Variants in GCKR observed in about 807,000 individuals in gnomAD.
The protein encoded by GCKR is glucokinase regulatory protein.
A neutral mutation model predicts 82.9 loss-of-function variants in GCKR; 73 were observed. That is an observed-to-expected ratio of 0.88 (90% confidence interval 0.73 to 1.07). The LOEUF (loss-of-function observed/expected upper bound fraction) is 1.07. Among genes scored for constraint, GCKR ranks in the 50% least tolerant of loss-of-function variants. The pLI is 0.00. For missense variants in GCKR, 784 were observed against 782.1 expected (o/e 1.00, Z -0.03); for synonymous variants, 294 against 291.8 (o/e 1.01, Z -0.08).
intron 16 of GCKR, chr2:27,509,437 T>C: frequency 3.1e-6 from 1 of 324,554 alleles, no homozygotes; most frequent in Non-Finnish European, 6.9e-6. Flanking sequence ...CCTCCCCTGC[T>C]CAACTGATCC....
At position 27,521,139 on chromosome 2, in the gene GCKR, G is replaced by A. The variant is rs181471628; in HGVS notation, c.1573-1321G>A. On this transcript the variant is annotated intron_variant, in intron 17 of 18. Transcript: ENST00000264717. ...CACTGGATTTCAAAATACAAAATCC[G>A]AATATAGAAAAATATTGCAAAATAT... is the stretch of plus-strand genomic sequence containing the variant. Among the ~76,000 whole-genome samples the A allele has an allele frequency of 1.3e-3, 204 of 152,134 alleles. 1 individual carries two copies. The highest frequency in any genetic ancestry group is 4.6e-3 in the African/African-American group (189 of 41,510).
At chr2:27,522,333 C>A in intron 17 of GCKR, 127 bp from the exon 18 acceptor site, 1 of 906,878 alleles carries the variant, frequency 1.1e-6, no homozygotes, top group Non-Finnish European at 1.8e-6. Context: ...GACAAATCAT[C>A]TACAGCCTCT....
chr2:27,497,837 C>T (rs975505622), intron 3 of GCKR, among the ~76,000 whole-genome samples: 2 of 152,188 alleles, frequency 1.3e-5, no homozygotes, highest in African/African-American at 4.8e-5. Flanking sequence ...TACTTTCACA[C>T]CTATTACCCT....
intron 5 of GCKR, 99 bp from the exon 6 acceptor site, chr2:27,499,043 G>A: frequency 2.5e-6 from 2 of 799,850 alleles, no homozygotes; most frequent in Non-Finnish European, 4.5e-6. Flanking sequence ...TTCAATGATA[G>A]TTTTCCCTTT....
chr2:27,514,444 C>T (rs2148589916), intron 16 of GCKR, among the ~76,000 whole-genome samples: 1 of 152,184 alleles, frequency 6.6e-6, no homozygotes, highest in South Asian at 2.1e-4. Context: ...GCTTATCCTC[C>T]TATGTTTCTT....
At chr2:27,517,932 C>T (rs557919048) in intron 16 of GCKR, among the ~76,000 whole-genome samples, 1 of 152,306 alleles carries the variant, frequency 6.6e-6, no homozygotes, top group African/African-American at 2.4e-5. Context: ...ATCATATGAG[C>T]TTCTCCAAGT....
intron 1 of GCKR, 94 bp downstream of exon 1, chr2:27,497,058 C>G: frequency 8.0e-7 from 1 of 1,249,594 alleles, no homozygotes; most frequent in Non-Finnish European, 1.2e-6. Flanking sequence ...CTCACCTCTT[C>G]TTCCTTCCTG....
intron 16 of GCKR, chr2:27,509,570 A>T: frequency 4.5e-6 from 2 of 441,308 alleles, no homozygotes; most frequent in Non-Finnish European, 9.2e-6. Context: ...GCCAACTCCT[A>T]GACTCAAGTG....
intron 16 of GCKR, among the ~76,000 whole-genome samples, chr2:27,514,275 A>C (rs949048075): frequency 2.6e-5 from 4 of 152,142 alleles, no homozygotes; most frequent in Non-Finnish European, 5.9e-5. Context: ...ATACACACAC[A>C]TACATCTATA....
At chr2:27,508,583 C>G (rs1368316983) in intron 16 of GCKR, among the ~76,000 whole-genome samples, 1 of 152,134 alleles carries the variant, frequency 6.6e-6, no homozygotes, top group Non-Finnish European at 1.5e-5. Context: ...TGCAGTGGTG[C>G]AATCTTGGCT....
At chr2:27,505,494 T>A (rs1669703269) in intron 9 of GCKR, among the ~76,000 whole-genome samples, 1 of 151,362 alleles carries the variant, frequency 6.6e-6, no homozygotes, top group African/African-American at 2.4e-5. Flanking sequence ...ACCCAATCAC[T>A]CTGACTTCCT....
At chr2:27,514,195 AC>A (rs1669950489) in intron 16 of GCKR, among the ~76,000 whole-genome samples, 1 of 152,058 alleles carries the variant, frequency 6.6e-6, no homozygotes, top group East Asian at 1.9e-4. Flanking sequence ...ATGTATATAT[AC>A]ATGCATACAT....
At chr2:27,521,034 A>G (rs1670139041) in intron 17 of GCKR, among the ~76,000 whole-genome samples, 1 of 152,062 alleles carries the variant, frequency 6.6e-6, no homozygotes, top group South Asian at 2.1e-4. Flanking sequence ...ACAGAGTGAG[A>G]CTATCTCTCA....
chr2:27,508,027 A>G lies in GCKR; in HGVS notation c.1291A>G (p.Asn431Asp). 2 of 1,599,028 alleles carry G rather than the reference A, an allele frequency of 1.3e-6. No individual in the cohort carries two copies. Among genetic ancestry groups the G allele is most frequent in the Non-Finnish European group, 1.7e-6 (2 of 1,167,276 alleles). Residue 431 changes from asparagine (N) to aspartate (D), a missense_variant, in exon 15 of 19, where the codon AAC becomes GAC. Asn to Asp is a conservative substitution (Grantham distance 23). Coordinates refer to ENST00000264717, the MANE Select transcript of GCKR (RefSeq NM_001486.4). ...AGTGGAGCAGGTGAAAGAGAAGACC[A>G]ACCACATCCAGGCCCTGGCACACAG... ...TIVEQVKEKT[N>D]HIQALAHSTV... is the part of the protein sequence containing the mutation.
In GCKR at chr2:27,507,241, G is replaced by A. The variant is rs761890302; in HGVS notation, c.1073G>A (p.Arg358Gln). The A allele has an allele frequency of 3.7e-6, 6 of 1,608,546 alleles. No individual in the cohort carries two copies. Among genetic ancestry groups the A allele is most frequent in the Middle Eastern group, 1.7e-4 (1 of 6,058 alleles). ...TTGTTCTTAAACTTCCCAGATTTCC[G>A]AGATGTCCGTGGCTTTCTCATTGGT... ...ECIHTFGADFRDVRGFLIGDH... is the reference protein window; with the variant it reads ...ECIHTFGADFQDVRGFLIGDH... Residue 358 changes from arginine to glutamine, a missense_variant, in exon 13 of 19, where the codon CGA becomes CAA. Coordinates refer to ENST00000264717, the MANE Select transcript of GCKR (RefSeq NM_001486.4).
chr2:27,505,683 C>A, intron 9 of GCKR, 35 bp from the exon 10 acceptor site: 1 of 1,167,272 alleles, frequency 8.6e-7, no homozygotes, highest in East Asian at 2.3e-5. Flanking sequence ...TCTTCATCCT[C>A]TCCCAATTCC....
intron 7 of GCKR, 34 bp from the exon 8 acceptor site, chr2:27,501,101 C>T: frequency 7.1e-7 from 1 of 1,405,822 alleles, no homozygotes; most frequent in Non-Finnish European, 1.0e-6. Context: ...AGTAATGACC[C>T]CCTCATCATG....
At chr2:27,506,164 G>A (rs1283087636) in intron 10 of GCKR, among the ~76,000 whole-genome samples, 1 of 152,104 alleles carries the variant, frequency 6.6e-6, no homozygotes, top group African/African-American at 2.4e-5. Flanking sequence ...ATCCTACTCT[G>A]GACCTGCCTC....
intron 16 of GCKR, among the ~76,000 whole-genome samples, chr2:27,513,909 T>TTGTGTGTG (rs57848910): frequency 2.1e-4 from 30 of 144,768 alleles, no homozygotes; most frequent in Middle Eastern, 7.1e-3. Context: ...TTATTTGCAT[T>TTGTGTGTG]TGTGTGTGTG....
Sources: gnomAD v4.1 joint callset for allele counts (sites outside exome capture counted in the v4.1 genomes callset) on GRCh38, gnomAD v4.1.1 for gene constraint, MANE v1.5 for transcripts, NCBI Gene and HGNC (gene_info 2026-07-23, HGNC 2026-07-21) for gene names.